Variants in DHX38 observed in about 807,000 individuals in gnomAD.
DHX38 encodes the protein pre-mRNA-splicing factor ATP-dependent RNA helicase PRP16.
A neutral mutation model predicts 153.1 loss-of-function variants in DHX38; 100 were observed. The observed-to-expected ratio is 0.65, with a 90% CI of 0.56 to 0.77. DHX38 has a LOEUF of 0.77. DHX38 is among the 30% of genes least tolerant of loss of function. The pLI is 0.00. For missense variants in DHX38, 1,440 were observed against 1,654.0 expected (o/e 0.87, Z 2.24); for synonymous variants, 650 against 631.7 (o/e 1.03, Z -0.43).
At chr16:72,109,295 T>G in intron 24 of DHX38, 120 bp from the exon 25 acceptor site, 1 of 1,150,404 alleles carries the variant, frequency 8.7e-7, no homozygotes, top group Non-Finnish European at 1.2e-6. Context: ...TTCCTTTCCT[T>G]TTTTCAGCCT....
Position 72,107,341 on chromosome 16 carries a change from C to G in DHX38, c.2602C>G (p.Leu868Val). 1 of 1,606,594 alleles carries G rather than the reference C, an allele frequency of 6.2e-7. No individual in the cohort carries two copies. The highest frequency in any genetic ancestry group is 8.5e-7 in the Non-Finnish European group (1 of 1,179,272). The change falls in exon 20 of 27, where the codon CTC becomes GTC. Residue 868 changes from leucine to valine, a missense_variant and splice_region_variant. Physicochemically the swap from Leu to Val is conservative, Grantham distance 32. This residue lies in a region of DHX38 where 543 missense variants were observed against 717.9 expected (regional missense o/e 0.76). Transcript: ENST00000268482. The surrounding 1 kb of genome is among the most constrained non-coding windows in gnomAD (Gnocchi z 5.3). ...GRTGPGQCFR[L>V]YTQSAYKNEL... ...AAGATGGGGTCTTCTCCCCGGCAGG[C>G]TCTACACCCAGAGCGCCTACAAGAA... is the stretch of plus-strand genomic sequence containing the variant.
intron 24 of DHX38, 28 bp from the exon 25 acceptor site, chr16:72,109,387 C>G: frequency 6.2e-7 from 1 of 1,609,476 alleles, no homozygotes; most frequent in Non-Finnish European, 8.5e-7. Flanking sequence ...CTCCTGTGAC[C>G]CTCGCCTCCC....
In DHX38 at chr16:72,101,404, C is replaced by T. The variant is rs1212506537; in HGVS notation, c.1387-96C>T. 7.6e-6 allele frequency: 10 copies of T among 1,312,754 alleles called. No individual in the cohort carries two copies. In the Admixed American group the frequency reaches 2.1e-4, roughly 27 times the overall value. 81.3% of individuals were successfully genotyped at this position (1,312,754 alleles called of 1,614,324 possible). On this transcript the variant is annotated intron_variant, in intron 10 of 26. Transcript: ENST00000268482. ...CCACCAGCACTCTGGGGGAGTTTACCACCTGCGGGGTGAAGTCTGCTCTCC... is the reference window on the plus strand; with the variant it reads ...CCACCAGCACTCTGGGGGAGTTTACTACCTGCGGGGTGAAGTCTGCTCTCC...
At chr16:72,108,064 C>A (rs931445100) in intron 21 of DHX38, among the ~76,000 whole-genome samples, 163 bp from the exon 22 acceptor site, 1 of 152,054 alleles carries the variant, frequency 6.6e-6, no homozygotes, top group Non-Finnish European at 1.5e-5. Context: ...TTAGAGTAGA[C>A]CTTTTTAAAA....
chr16:72,109,405 C>G lies in DHX38; in HGVS notation c.3382-10C>G, dbSNP rs768937822. The G allele has an allele frequency of 2.4e-5, 39 of 1,612,404 alleles. No individual in the cohort carries two copies. In the Admixed American group the frequency reaches 6.3e-4, roughly 26 times the overall value. ...CTGTGACCCTCGCCTCCCTGCCCTT[C>G]TGCCCGCAGGAGTATATGCAGTGTG... On this transcript the variant is annotated splice_polypyrimidine_tract_variant and intron_variant, in intron 24 of 26. Transcript: ENST00000268482.
At chr16:72,098,529 C>A in intron 4 of DHX38, 116 bp from the exon 5 acceptor site, 1 of 1,319,684 alleles carries the variant, frequency 7.6e-7, no homozygotes, top group Non-Finnish European at 1.0e-6. Context: ...TAGATACATG[C>A]AAGGTTTAGA....
In DHX38 at chr16:72,107,603, C is replaced by T. The variant is rs1238246654; in HGVS notation, c.2810-42C>T. 3 of 1,611,028 alleles carry T rather than the reference C, an allele frequency of 1.9e-6. No individual in the cohort carries two copies. Among genetic ancestry groups the T allele is most frequent in the Admixed American group, 1.7e-5 (1 of 59,980 alleles). On this transcript the variant is annotated intron_variant, in intron 20 of 26. Transcript: ENST00000268482. The surrounding 1 kb of genome is among the most constrained non-coding windows in gnomAD (Gnocchi z 5.3). The stretch of plus-strand genomic sequence containing the variant: ...CTGGCGCTTGACTTCCTTCTTTCCT[C>T]TACTGTCCCGTCAAATATCCGGGTT...
intron 11 of DHX38, among the ~76,000 whole-genome samples, 175 bp from the exon 12 acceptor site, chr16:72,102,899 G>A (rs749030148): frequency 4.5e-4 from 68 of 152,332 alleles, no homozygotes; most frequent in Non-Finnish European, 7.2e-4. Context: ...GGATTCTCAA[G>A]TAGCAGTTTC....
chr16:72,112,301 G>C (rs1406388696), intron 26 of DHX38, 112 bp from the exon 27 acceptor site: 3 of 1,051,642 alleles, frequency 2.9e-6, no homozygotes, highest in Admixed American at 1.8e-5. Flanking sequence ...CCTCGGCCCA[G>C]AGCTCCCCAC....
At chr16:72,112,340 C>A in intron 26 of DHX38, 73 bp from the exon 27 acceptor site, 1 of 1,459,532 alleles carries the variant, frequency 6.9e-7, no homozygotes, top group Non-Finnish European at 9.5e-7. Context: ...AGTCCTGGGG[C>A]TCTGCATCCT....
intron 11 of DHX38, among the ~76,000 whole-genome samples, chr16:72,102,588 C>T (rs1045159465): frequency 2.6e-5 from 4 of 152,150 alleles, no homozygotes; most frequent in Admixed American, 6.5e-5. Context: ...AAAACAAAAC[C>T]GTACAGACTA....
At chr16:72,095,148 A>C (rs1440053140) in intron 1 of DHX38, among the ~76,000 whole-genome samples, 1 of 152,228 alleles carries the variant, frequency 6.6e-6, no homozygotes, top group East Asian at 1.9e-4. Flanking sequence ...GAATGAGAGG[A>C]ATTATCCAAG....
At chr16:72,101,219 G>A in intron 10 of DHX38, 26 bp downstream of exon 10, 2 of 1,612,680 alleles carry the variant, frequency 1.2e-6, no homozygotes, top group Non-Finnish European at 1.7e-6. Flanking sequence ...TCGTGGCTGG[G>A]AAGTTTATGT....
In DHX38 at chr16:72,108,467, C is replaced by T. The variant is rs142853808; in HGVS notation, c.3121-6C>T. On this transcript the variant is annotated splice_polypyrimidine_tract_variant and splice_region_variant and intron_variant, in intron 22 of 26. Coordinates refer to ENST00000268482, the MANE Select transcript of DHX38 (RefSeq NM_014003.4). The stretch of plus-strand genomic sequence containing the variant: ...TCCCTCCTGGTGCCTCCGTCTCCTG[C>T]CCTAGGTCCGGGAGGTGCGAGCTCA... 1.2e-5 allele frequency: 20 copies of T among 1,613,976 alleles called. No individual in the cohort carries two copies. Among genetic ancestry groups the T allele is most frequent in the Middle Eastern group, 3.3e-4 (2 of 6,060 alleles).
chr16:72,096,384 T>G lies in DHX38; in HGVS notation c.227T>G (p.Val76Gly), dbSNP rs754175657. ...DDGEDKKKSK[V>G]SSYKDWEESK... The stretch of plus-strand genomic sequence containing the variant: ...GGGGAGGACAAGAAGAAGTCCAAAG[T>G]CTCCTCCTACAAGGACTGGGAAGAG... The change falls in exon 2 of 27, where the codon GTC (valine) becomes GGC (glycine). Residue 76 changes from valine to glycine, a missense_variant. Physicochemically the swap from Val to Gly is moderately radical, Grantham distance 109. Coordinates refer to ENST00000268482, the MANE Select transcript of DHX38 (RefSeq NM_014003.4). The G allele has an allele frequency of 2.5e-6, 4 of 1,613,980 alleles. No individual in the cohort carries two copies. Among genetic ancestry groups the G allele is most frequent in the Non-Finnish European group, 2.5e-6 (3 of 1,180,006 alleles).
Position 72,105,090 on chromosome 16 carries a change from G to A in DHX38, c.2215G>A (p.Ala739Thr), listed in dbSNP as rs201461331. ...GTCCTTGCAGGTGCACCTGTCGGGGGCCCCTGGAGACATCCTTATCTTCAT... is the reference window on the plus strand; with the variant it reads ...GTCCTTGCAGGTGCACCTGTCGGGGACCCCTGGAGACATCCTTATCTTCAT... ...KQSLQVHLSG[A>T]PGDILIFMPG... Residue 739 changes from alanine to threonine, a missense_variant, in exon 16 of 27, where the codon GCC becomes ACC. Coordinates refer to ENST00000268482, the MANE Select transcript of DHX38 (RefSeq NM_014003.4). The A allele has an allele frequency of 3.5e-5, 57 of 1,614,092 alleles. No homozygotes were observed. Among genetic ancestry groups the A allele is most frequent in the Middle Eastern group, 3.3e-4 (2 of 6,084 alleles).
Position 72,111,046 on chromosome 16 carries a change from CAGG to C in DHX38, c.3571_3573del (p.Glu1191del). The C allele has an allele frequency of 1.9e-6, 3 of 1,574,106 alleles. No individual in the cohort carries two copies. Among genetic ancestry groups the C allele is most frequent in the Non-Finnish European group, 2.6e-6 (3 of 1,159,964 alleles). On this transcript the variant is annotated inframe_deletion, in exon 26 of 27. Coordinates refer to ENST00000268482, the MANE Select transcript of DHX38 (RefSeq NM_014003.4). ...GCAGCTGCGAGCCCGGCGGCAGGAG[CAGG>C]AGAAGCGCAGCCCCCTGGGCAGTGT...
rs1365664234 is a variant in DHX38, at chr16:72,103,993, G to C, written c.1872G>C (p.Leu624Phe). Reference sequence around the variant, plus strand: ...AAGACTGCACTTCAGAGAACACCTTGATCAAATACATGACTGACGGGATCC... The same window carrying C: ...AAGACTGCACTTCAGAGAACACCTTCATCAAATACATGACTGACGGGATCC... The part of the protein sequence containing the change: ...RFEDCTSENT[L>F]IKYMTDGILL... Residue 624 changes from leucine to phenylalanine, a missense_variant, in exon 14 of 27, where the codon TTG (leucine) becomes TTC (phenylalanine). Around this residue, in one of 6 missense-constraint regions of DHX38, gnomAD observed 21 missense variants for 46.7 expected, o/e 0.45. Transcript: ENST00000268482. 2 of 1,614,078 alleles carry C rather than the reference G, an allele frequency of 1.2e-6. No homozygotes were observed. The highest frequency in any genetic ancestry group is 1.3e-5 in the African/African-American group (1 of 74,940).
chr16:72,096,431 G>A lies in DHX38; in HGVS notation c.274G>A (p.Ala92Thr). 2.5e-6 allele frequency: 4 copies of A among 1,613,964 alleles called. No individual in the cohort carries two copies. Among genetic ancestry groups the A allele is most frequent in the Non-Finnish European group, 3.4e-6 (4 of 1,179,970 alleles). Residue 92 changes from alanine to threonine, a missense_variant, in exon 2 of 27, where the codon GCT becomes ACT. Coordinates refer to ENST00000268482, the MANE Select transcript of DHX38 (RefSeq NM_014003.4). ...AGAGAGCAAGGATGACCAGAAGGAT[G>A]CTGAGGAAGAGGGCGGTGACCAGGC... ...WEESKDDQKDAEEEGGDQAGQ... is the reference protein window; with the variant it reads ...WEESKDDQKDTEEEGGDQAGQ...
Sources: gnomAD v4.1 joint callset for allele counts (sites outside exome capture counted in the v4.1 genomes callset) on GRCh38, gnomAD v4.1.1 for gene constraint, gnomAD v4.1.1 regional missense constraint, Gnocchi (gnomAD v3.1) non-coding constraint, MANE v1.5 for transcripts, NCBI Gene and HGNC (gene_info 2026-07-23, HGNC 2026-07-21) for gene names.